WDR43: variants seen among roughly 807,000 people sequenced by gnomAD.
The protein encoded by WDR43 is WD repeat domain 43.
In WDR43, 13 loss-of-function variants were observed where a neutral mutation model predicts 91.4. That is an observed-to-expected ratio of 0.14 (90% CI 0.09 to 0.23). WDR43 has a LOEUF of 0.23. WDR43 is among the 10% of genes least tolerant of loss of function. The pLI is 1.00. For synonymous variants in WDR43, 331 were observed against 287.9 expected, an observed-to-expected ratio of 1.15 and a Z score of -1.51; for missense variants, 780 against 809.4, an observed-to-expected ratio of 0.96 and a Z score of 0.44.
chr2:28,930,053 T>C (rs1305726474), intron 11 of WDR43: 1 of 479,408 alleles, frequency 2.1e-6, no homozygotes, highest in Non-Finnish European at 4.3e-6. Flanking sequence ...TATTTTTTTC[T>C]GTAGGAAAAT....
chr2:28,906,313 TC>T, intron 2 of WDR43, 146 bp from the exon 3 acceptor site: 1 of 703,980 alleles, frequency 1.4e-6, no homozygotes, highest in Non-Finnish European at 2.2e-6. Flanking sequence ...TCTATGTAGT[TC>T]TACTGATCTG....
intron 14 of WDR43, among the ~76,000 whole-genome samples, chr2:28,940,090 C>T (rs1190772443): frequency 2.5e-5 from 3 of 119,356 alleles, no homozygotes; most frequent in African/African-American, 6.5e-5. Flanking sequence ...CCAGCCTGGG[C>T]GACAGAGCGA....
intron 14 of WDR43, among the ~76,000 whole-genome samples, chr2:28,940,696 A>G (rs981567784): frequency 2.0e-5 from 3 of 152,216 alleles, no homozygotes; most frequent in African/African-American, 7.2e-5. Flanking sequence ...TAGGATAGAA[A>G]AATTATGGCC....
intron 7 of WDR43, among the ~76,000 whole-genome samples, chr2:28,923,419 TGGA>T (rs892567007): frequency 4.6e-5 from 7 of 152,190 alleles, no homozygotes; most frequent in African/African-American, 1.7e-4. Context: ...CCACATTCAG[TGGA>T]GACCATTTGT....
At chr2:28,932,047 T>A (rs1340063072) in intron 11 of WDR43, among the ~76,000 whole-genome samples, 2 of 152,134 alleles carry the variant, frequency 1.3e-5, no homozygotes, top group Admixed American at 6.5e-5. Flanking sequence ...AGCTAATTTT[T>A]AAAATTTTTT....
intron 16 of WDR43, among the ~76,000 whole-genome samples, chr2:28,944,690 C>G (rs1016765574): frequency 2.6e-5 from 4 of 152,198 alleles, no homozygotes; most frequent in Admixed American, 2.6e-4. Flanking sequence ...AAAATGATAC[C>G]TTCTGTGTAG....
At chr2:28,925,368 A>G (rs567134325) in intron 8 of WDR43, among the ~76,000 whole-genome samples, 3 of 152,262 alleles carry the variant, frequency 2.0e-5, no homozygotes, top group African/African-American at 7.2e-5. Flanking sequence ...TGAGTTATTT[A>G]TATCAGCCCT....
chr2:28,894,721 G>A lies in WDR43; in HGVS notation c.23G>A (p.Ser8Asn), dbSNP rs1384133758. Residue 8 changes from serine to asparagine, a missense_variant, in exon 1 of 18, where the codon AGC becomes AAC. Physicochemically the swap from Ser to Asn is conservative, Grantham distance 46 (BLOSUM62 1). Transcript: ENST00000407426. ...GCAATGGCGGCGGGCGGCGGCGGTA[G>A]CTGCGACCCCCTGGCCCCTGCTGGG... MAAGGGG[S>N]CDPLAPAGVP... The A allele has an allele frequency of 6.4e-7, 1 of 1,568,260 alleles. No homozygotes were observed.
At chr2:28,939,649 A>G (rs1219224064) in intron 14 of WDR43, among the ~76,000 whole-genome samples, 1 of 152,220 alleles carries the variant, frequency 6.6e-6, no homozygotes, top group Non-Finnish European at 1.5e-5. Context: ...TGGAGCTCAT[A>G]GTCTGAACAG....
At chr2:28,923,764 G>T (rs1671080079) in intron 7 of WDR43, among the ~76,000 whole-genome samples, 1 of 152,044 alleles carries the variant, frequency 6.6e-6, no homozygotes, top group South Asian at 2.1e-4. Flanking sequence ...AACTCTTGAA[G>T]CTTTTATTTA....
chr2:28,937,603 C>G (rs1010513253), intron 13 of WDR43, among the ~76,000 whole-genome samples: 17 of 151,968 alleles, frequency 1.1e-4, no homozygotes, highest in African/African-American at 4.1e-4. Context: ...CAAAACCAGT[C>G]GAACTCAATT....
At chr2:28,923,078 T>G in intron 7 of WDR43, 95 bp downstream of exon 7, 1 of 1,031,782 alleles carries the variant, frequency 9.7e-7, no homozygotes. Flanking sequence ...ATCATATTAC[T>G]ATTCAGCCAG....
In WDR43 at chr2:28,942,280, C is replaced by G. The variant is rs73922906; in HGVS notation, c.1735-32C>G. The G allele has an allele frequency of 7.1e-3, 11,317 of 1,603,558 alleles. 672 individuals carry two copies. In the African/African-American group the frequency reaches 0.13, roughly 19 times the overall value. ...GTGATACTTGGGATATGTTTACACT[C>G]TACTTCAGAACAGTACTTTATCTTC... On this transcript the variant is annotated intron_variant, in intron 15 of 17. Transcript: ENST00000407426.
chr2:28,894,991 G>A lies in WDR43; in HGVS notation c.225+68G>A. The A allele has an allele frequency of 2.8e-6, 4 of 1,405,702 alleles. No individual in the cohort carries two copies. In the South Asian group the frequency reaches 6.0e-5, roughly 21 times the overall value. 87.1% of individuals were successfully genotyped at this position (1,405,702 alleles called of 1,614,324 possible). On this transcript the variant is annotated intron_variant, in intron 1 of 17. Transcript: ENST00000407426. ...TCGGCTTCGGGCCTCCGGGCCGGGT[G>A]GCGCGTGGTCCGGCATCGCGCGTGG...
chr2:28,913,842 T>C, intron 4 of WDR43: 2 of 673,710 alleles, frequency 3.0e-6, no homozygotes, highest in Non-Finnish European at 5.4e-6. Flanking sequence ...TCATGGGAGT[T>C]AGAAGGAACA....
At chr2:28,899,739 T>A (rs1212869427) in intron 1 of WDR43, among the ~76,000 whole-genome samples, 5 of 152,254 alleles carry the variant, frequency 3.3e-5, no homozygotes, top group Non-Finnish European at 7.3e-5. Flanking sequence ...GTATCAGTTT[T>A]CATTAAAATG....
intron 6 of WDR43, among the ~76,000 whole-genome samples, chr2:28,922,512 C>T (rs1451347036): frequency 6.6e-6 from 1 of 152,142 alleles, no homozygotes; most frequent in Non-Finnish European, 1.5e-5. Context: ...CAGCTTAGGC[C>T]ACTTACATTG....
At chr2:28,910,692 T>TAA (rs1670779473) in intron 3 of WDR43, among the ~76,000 whole-genome samples, 1 of 148,562 alleles carries the variant, frequency 6.7e-6, no homozygotes, top group African/African-American at 2.4e-5. Context: ...TATATATATA[T>TAA]ATAATTATTA....
intron 16 of WDR43, among the ~76,000 whole-genome samples, chr2:28,946,062 G>T (rs186692818): frequency 1.1e-4 from 17 of 152,300 alleles, no homozygotes; most frequent in Admixed American, 9.8e-4. Context: ...TTAGCCAGGT[G>T]TGGTGGCTCA....
Sources: gnomAD v4.1 joint callset for allele counts (sites outside exome capture counted in the v4.1 genomes callset) on GRCh38, gnomAD v4.1.1 for gene constraint, MANE v1.5 for transcripts, NCBI Gene and HGNC (gene_info 2026-07-23, HGNC 2026-07-21) for gene names.